SGK1: variants seen among roughly 807,000 people sequenced by gnomAD.
The protein encoded by SGK1 is serine/threonine-protein kinase Sgk1.
Under a neutral mutation model 64.2 loss-of-function variants are expected in SGK1, and 26 were observed. The ratio of observed to expected loss-of-function variants is 0.40; its 90% CI spans 0.30 to 0.56. The LOEUF (loss-of-function observed/expected upper bound fraction) is 0.56, where lower values mean the gene tolerates loss of function less well. Ranked by LOEUF, SGK1 falls within the 20% of genes least tolerant of loss-of-function variation. The probability of loss-of-function intolerance (pLI) is 0.38; values close to 1 mark genes in which losing one functional copy is unlikely to be tolerated. For synonymous variants in SGK1, 265 were observed against 239.7 expected (o/e 1.11, Z -0.98); for missense variants, 519 against 645.6 (o/e 0.80, Z 2.12).
At chr6:134,216,276 A>C (rs984939564) in intron 2 of SGK1, among the ~76,000 whole-genome samples, 2 of 152,198 alleles carry the variant, frequency 1.3e-5, no homozygotes, top group African/African-American at 4.8e-5. Flanking sequence ...CCTAAGATAC[A>C]AAAGAAATTC....
intron 2 of SGK1, among the ~76,000 whole-genome samples, chr6:134,217,689 G>A (rs1296838509): frequency 2.0e-5 from 3 of 152,160 alleles, no homozygotes; most frequent in Non-Finnish European, 2.9e-5. Context: ...AGAGATTAAT[G>A]CAGGGTCAGA....
chr6:134,174,776 G>A (rs1455678759), intron 3 of SGK1, 190 bp from the exon 4 acceptor site: 1 of 1,614,020 alleles, frequency 6.2e-7, no homozygotes, highest in Non-Finnish European at 8.5e-7. Context: ...GTAAGTGAGG[G>A]TGCCCTTAGC....
intron 2 of SGK1, among the ~76,000 whole-genome samples, chr6:134,239,092 C>T (rs1582735230): frequency 6.6e-6 from 1 of 152,236 alleles, no homozygotes; most frequent in African/African-American, 2.4e-5. Flanking sequence ...AAGAGAGCTG[C>T]TGTCACATTA....
chr6:134,201,280 T>C (rs1208559545), intron 3 of SGK1, among the ~76,000 whole-genome samples: 1 of 152,064 alleles, frequency 6.6e-6, no homozygotes, highest in African/African-American at 2.4e-5. Context: ...CAGGATGGTC[T>C]CCATCTCCTG....
chr6:134,273,589 T>C (rs1288851004), intron 1 of SGK1, among the ~76,000 whole-genome samples: 3 of 32,508 alleles, frequency 9.2e-5, no homozygotes, highest in Non-Finnish European at 1.3e-4. Flanking sequence ...CGAGACTCCG[T>C]CTCAAAAAAA....
intron 3 of SGK1, among the ~76,000 whole-genome samples, chr6:134,200,639 C>T (rs992064453): frequency 1.3e-5 from 2 of 152,222 alleles, no homozygotes; most frequent in Non-Finnish European, 2.9e-5. Flanking sequence ...GATGCTGGCT[C>T]ACACCTGTAA....
At chr6:134,247,329 A>G (rs1333382801) in intron 2 of SGK1, among the ~76,000 whole-genome samples, 4 of 152,150 alleles carry the variant, frequency 2.6e-5, no homozygotes, top group Admixed American at 6.6e-5. Flanking sequence ...TTTCCCCAGG[A>G]TGAGGTTAGA....
intron 1 of SGK1, among the ~76,000 whole-genome samples, chr6:134,308,191 G>A (rs1476054457): frequency 6.6e-6 from 1 of 151,758 alleles, no homozygotes; most frequent in Non-Finnish European, 1.5e-5. Context: ...GAAAGATTCA[G>A]AGTTCAAAGA....
chr6:134,282,463 C>A (rs1053570926), intron 1 of SGK1, among the ~76,000 whole-genome samples: 1 of 151,928 alleles, frequency 6.6e-6, no homozygotes. Context: ...ACCAGCCTGG[C>A]CAACATGGTG....
intron 2 of SGK1, among the ~76,000 whole-genome samples, chr6:134,238,946 A>G (rs1776403765): frequency 6.6e-6 from 1 of 152,228 alleles, no homozygotes; most frequent in Non-Finnish European, 1.5e-5. Flanking sequence ...TTTAACTATT[A>G]AACTGTAAAT....
intron 3 of SGK1, among the ~76,000 whole-genome samples, chr6:134,185,376 G>A (rs906193789): frequency 1.3e-5 from 2 of 152,028 alleles, no homozygotes; most frequent in African/African-American, 4.8e-5. Flanking sequence ...TCTACACAAT[G>A]ATAAGGACTT....
At chr6:134,210,395 C>A (rs1002537234) in intron 2 of SGK1, among the ~76,000 whole-genome samples, 2 of 152,160 alleles carry the variant, frequency 1.3e-5, no homozygotes, top group African/African-American at 2.4e-5. Context: ...TTTCCAGGGG[C>A]TGCAGGGAGG....
chr6:134,175,746 C>G, intron 3 of SGK1: 1 of 1,355,538 alleles, frequency 7.4e-7, no homozygotes, highest in Non-Finnish European at 9.5e-7. Context: ...TGACTCAGGC[C>G]GGGCAAGATT....
At chr6:134,171,449 A>C (rs781075830) in intron 11 of SGK1, 188 bp downstream of exon 11, 7 of 613,458 alleles carry the variant, frequency 1.1e-5, no homozygotes, top group South Asian at 2.0e-5. Context: ...CTATCTAGTA[A>C]AATGTGAAAT....
At chr6:134,279,407 G>A (rs1777061496) in intron 1 of SGK1, among the ~76,000 whole-genome samples, 2 of 143,756 alleles carry the variant, frequency 1.4e-5, no homozygotes, top group Admixed American at 1.4e-4. Context: ...CTCCAACGTG[G>A]GCAATAGAGT....
At chr6:134,177,747 G>A in intron 3 of SGK1, 1 of 1,613,976 alleles carries the variant, frequency 6.2e-7, no homozygotes, top group Non-Finnish European at 8.5e-7. Context: ...CTGGAGGCTG[G>A]AGGTAGAGCC....
Position 134,171,023 on chromosome 6 carries a change from G to C in SGK1, c.1323C>G (p.Phe441Leu), listed in dbSNP as rs1775002088. The C allele has an allele frequency of 4.3e-6, 7 of 1,614,028 alleles. No homozygotes were observed. The highest frequency in any genetic ancestry group is 5.9e-6 in the Non-Finnish European group (7 of 1,179,936). ...RTKRLGAKDD[F>L]MEIKSHVFFS... ...AGGAGGACAGGAAAACATCACTCACGAAGTCATCCTTGGCCCCGAGCCGCT... is the reference window on the plus strand; with the variant it reads ...AGGAGGACAGGAAAACATCACTCACCAAGTCATCCTTGGCCCCGAGCCGCT... Residue 441 changes from phenylalanine (F) to leucine (L), a missense_variant and splice_region_variant, in exon 12 of 14, where the codon TTC becomes TTG. By Grantham distance (22) the Phe-to-Leu change is conservative. Transcript: ENST00000367858.
At chr6:134,243,503 G>A (rs1441792172) in intron 2 of SGK1, among the ~76,000 whole-genome samples, 1 of 152,070 alleles carries the variant, frequency 6.6e-6, no homozygotes, top group Non-Finnish European at 1.5e-5. Flanking sequence ...CTAAGTAGCT[G>A]GGATTACAGG....
intron 1 of SGK1, among the ~76,000 whole-genome samples, chr6:134,291,625 T>G (rs1463374004): frequency 6.6e-6 from 1 of 152,230 alleles, no homozygotes; most frequent in African/African-American, 2.4e-5. Context: ...AATAACTCTT[T>G]GTTCTTTGTT....
Sources: allele counts gnomAD v4.1 joint callset (sites outside exome capture counted in the v4.1 genomes callset), GRCh38; gene constraint gnomAD v4.1.1; transcripts MANE v1.5; gene names NCBI Gene and HGNC (gene_info 2026-07-23, HGNC 2026-07-21).